ZGPAT: variants seen among roughly 807,000 people sequenced by gnomAD.
ZGPAT encodes the protein zinc finger CCCH-type with G patch domain-containing protein.
Under a neutral mutation model 47.9 loss-of-function variants are expected in ZGPAT, and 39 were observed. The observed-to-expected ratio is 0.81, with a 90% CI of 0.63 to 1.06. The LOEUF is 1.06. Among genes scored for constraint, ZGPAT ranks in the 50% least tolerant of loss-of-function variants. The pLI, the probability that ZGPAT is intolerant of heterozygous loss-of-function variation, is 0.00. For synonymous variants in ZGPAT, 348 were observed against 292.9 expected, an observed-to-expected ratio of 1.19 and a Z score of -1.92; for missense variants, 717 against 681.4, an observed-to-expected ratio of 1.05 and a Z score of -0.58.
At chr20:63,734,969 C>T in intron 5 of ZGPAT, 145 bp downstream of exon 5, 1 of 1,330,986 alleles carries the variant, frequency 7.5e-7, no homozygotes, top group Non-Finnish European at 1.0e-6. Flanking sequence ...TCCTCAGATT[C>T]CCGGGGTCCC....
At chr20:63,735,691 CG>C in intron 6 of ZGPAT, 89 bp from the exon 7 acceptor site, 3 of 1,530,432 alleles carry the variant, frequency 2.0e-6, no homozygotes, top group Non-Finnish European at 2.6e-6. Context: ...TGTTGGAGGA[CG>C]GGCAGCGGGC....
intron 6 of ZGPAT, 91 bp downstream of exon 6, chr20:63,735,655 C>A: frequency 6.7e-7 from 1 of 1,495,296 alleles, no homozygotes; most frequent in South Asian, 1.3e-5. Flanking sequence ...CCAAGCATAG[C>A]GGGCTGAGTC....
At chr20:63,734,679 C>A in intron 4 of ZGPAT, 26 bp from the exon 5 acceptor site, 3 of 1,612,438 alleles carry the variant, frequency 1.9e-6, no homozygotes, top group Non-Finnish European at 2.5e-6. Flanking sequence ...CTGCACAGTC[C>A]TCTGCCCTCT....
intron 4 of ZGPAT, chr20:63,734,042 G>C: frequency 7.8e-6 from 3 of 382,298 alleles, no homozygotes; most frequent in Admixed American, 8.8e-5. Context: ...CAACTGATGG[G>C]GCCTGGAGTG....
chr20:63,715,831 T>C (rs1048705418), intron 2 of ZGPAT, among the ~76,000 whole-genome samples: 2 of 138,666 alleles, frequency 1.4e-5, no homozygotes, highest in South Asian at 2.4e-4. Context: ...TACAATCATA[T>C]ATAGAGAGAG....
At chr20:63,708,291 G>A (rs1195647116) in intron 1 of ZGPAT, 173 bp downstream of exon 1, 1 of 205,938 alleles carries the variant, frequency 4.9e-6, no homozygotes, top group African/African-American at 2.3e-5. Context: ...GGTGGGCTCG[G>A]CGGAGGGTGA....
intron 2 of ZGPAT, among the ~76,000 whole-genome samples, chr20:63,730,764 G>C (rs2427531): frequency 0.19 from 29,006 of 152,144 alleles, 3,747 homozygotes; most frequent in East Asian, 0.62. Flanking sequence ...TTACAGGCGT[G>C]AGCCGCTGCA....
At chr20:63,731,087 A>G (rs974031726) in intron 2 of ZGPAT, among the ~76,000 whole-genome samples, 3 of 152,016 alleles carry the variant, frequency 2.0e-5, no homozygotes, top group Non-Finnish European at 4.4e-5. Flanking sequence ...GGGAGGACTC[A>G]GTCATGCACA....
chr20:63,721,555 AG>A (rs1256042045), intron 2 of ZGPAT, among the ~76,000 whole-genome samples: 6 of 152,214 alleles, frequency 3.9e-5, no homozygotes, highest in African/African-American at 1.4e-4. Context: ...GTCTAGCCCC[AG>A]CTGTGTGCAT....
At chr20:63,708,353 C>T (rs921612487) in intron 1 of ZGPAT, among the ~76,000 whole-genome samples, 200 bp from the exon 2 acceptor site, 1 of 151,996 alleles carries the variant, frequency 6.6e-6, no homozygotes, top group African/African-American at 2.4e-5. Flanking sequence ...CGGGACCCGG[C>T]TAGCGGCGAG....
chr20:63,718,164 G>A (rs755388789), intron 2 of ZGPAT, among the ~76,000 whole-genome samples: 49 of 152,024 alleles, frequency 3.2e-4, no homozygotes, highest in Non-Finnish European at 5.3e-4. Context: ...TGAGATTATG[G>A]GCAAGAGCCA....
intron 6 of ZGPAT, 44 bp downstream of exon 6, chr20:63,735,608 G>A (rs1259222044): frequency 2.7e-6 from 4 of 1,504,938 alleles, no homozygotes; most frequent in Non-Finnish European, 3.5e-6. Context: ...ACCCAGGGTG[G>A]CCCTGCCCCC....
At position 63,733,745 on chromosome 20, in the gene ZGPAT, G is replaced by A; in HGVS notation, c.871+6G>A. ...TGACTCCAGCTATGCCAGAGGTATG[G>A]CAGCAGCTGCGGAGCCCAGGAGCCA... is the stretch of plus-strand genomic sequence containing the variant. On this transcript the variant is annotated splice_donor_region_variant and intron_variant, in intron 4 of 6. Coordinates refer to ENST00000355969, the MANE Select transcript of ZGPAT (RefSeq NM_181485.3). 3.1e-6 allele frequency: 5 copies of A among 1,604,708 alleles called. No homozygotes were observed. The highest frequency in any genetic ancestry group is 4.3e-6 in the Non-Finnish European group (5 of 1,174,494).
At chr20:63,714,999 T>C (rs1428792123) in intron 2 of ZGPAT, among the ~76,000 whole-genome samples, 1 of 152,156 alleles carries the variant, frequency 6.6e-6, no homozygotes, top group East Asian at 1.9e-4. Context: ...GTGGTTTTTT[T>C]CCTTTCATTT....
intron 2 of ZGPAT, among the ~76,000 whole-genome samples, chr20:63,729,156 C>T (rs2091872645): frequency 1.3e-5 from 2 of 151,872 alleles, no homozygotes; most frequent in Admixed American, 6.6e-5. Context: ...CTCGGCCTCC[C>T]GAGTAGCATA....
intron 2 of ZGPAT, among the ~76,000 whole-genome samples, chr20:63,713,819 T>G (rs916156546): frequency 1.4e-5 from 2 of 147,690 alleles, no homozygotes; most frequent in Admixed American, 1.4e-4. Context: ...TGCAGTGAGC[T>G]GAGATCGCGC....
intron 2 of ZGPAT, among the ~76,000 whole-genome samples, chr20:63,725,048 G>A (rs750499328): frequency 2.1e-5 from 3 of 145,406 alleles, no homozygotes; most frequent in Non-Finnish European, 3.0e-5. Flanking sequence ...GCAGTGGCAC[G>A]ATCTCGGCTC....
At position 63,735,225 on chromosome 20, in the gene ZGPAT, C is replaced by A; in HGVS notation, c.1058C>A (p.Ser353Ter). Residue 353 changes from serine (S) to a stop codon, truncating the protein, a stop_gained, in exon 6 of 7, where the codon TCG (serine) becomes TAG (stop). Coordinates refer to ENST00000355969, the MANE Select transcript of ZGPAT (RefSeq NM_181485.3). LOFTEE classifies it high-confidence loss of function. ...GCTGTGGTGTTGCCTCGAGGGAAGT[C>A]GCTGGACCAGTGTGTGGAGACCCTG... ...IHAVVLPRGKSLDQCVETLQK... is the reference protein window; with the variant it reads ...IHAVVLPRGK The A allele has an allele frequency of 6.3e-7, 1 of 1,581,124 alleles. No homozygotes were observed.
At chr20:63,732,908 G>A (rs2091934138) in intron 2 of ZGPAT, among the ~76,000 whole-genome samples, 1 of 147,028 alleles carries the variant, frequency 6.8e-6, no homozygotes, top group Non-Finnish European at 1.5e-5. Context: ...GTATATGCAT[G>A]TGTGTGTATA....
Sources: gnomAD v4.1 joint callset for allele counts (sites outside exome capture counted in the v4.1 genomes callset) on GRCh38, gnomAD v4.1.1 for gene constraint, MANE v1.5 for transcripts, NCBI Gene and HGNC (gene_info 2026-07-23, HGNC 2026-07-21) for gene names.